The following CATSPERB variants were observed in gnomAD, a reference collection of about 807,000 sequenced individuals.
CATSPERB encodes the protein catsper channel auxiliary subunit beta.
Under a neutral mutation model 128.3 loss-of-function variants are expected in CATSPERB, and 93 were observed. That is an observed-to-expected ratio of 0.72 (90% CI 0.61 to 0.86). The LOEUF is 0.86. Ranked by LOEUF, CATSPERB falls within the 40% of genes least tolerant of loss-of-function variation. The pLI, the probability that CATSPERB is intolerant of heterozygous loss-of-function variation, is 0.00. For missense variants in CATSPERB, 1,153 were observed against 1,329.5 expected (o/e 0.87, Z 2.06); for synonymous variants, 381 against 448.8 (o/e 0.85, Z 1.91).
At chr14:91,597,450 A>C (rs1893527634) in intron 22 of CATSPERB, among the ~76,000 whole-genome samples, 1 of 152,236 alleles carries the variant, frequency 6.6e-6, no homozygotes, top group African/African-American at 2.4e-5. Context: ...TATAAAATTT[A>C]ATCTTGATTA....
chr14:91,581,198 CA>C, intron 26 of CATSPERB, 91 bp from the exon 27 acceptor site: 1 of 1,009,590 alleles, frequency 9.9e-7, no homozygotes. Context: ...AATCGGAGAG[CA>C]AAACGCTGCC....
rs116852107 is a variant in CATSPERB at position 91,618,942 on chromosome 14, G to A, written c.2261-1206C>T. Among the ~76,000 whole-genome samples the A allele has an allele frequency of 9.8e-4, 149 of 152,276 alleles. 4 individuals are homozygous for A. In the East Asian group the frequency reaches 0.026, roughly 27 times the overall value. Reference sequence around the variant, plus strand: ...AAGTGCCCTGGTGATGCTAACACAGGTTCAGGGACCACACCTTCAGTAGAT... The same window carrying A: ...AAGTGCCCTGGTGATGCTAACACAGATTCAGGGACCACACCTTCAGTAGAT... On this transcript the variant is annotated intron_variant, in intron 19 of 26. Transcript: ENST00000256343.
chr14:91,669,759 T>C lies in CATSPERB; in HGVS notation c.1287+55A>G. 2.0e-6 allele frequency: 3 copies of C among 1,522,722 alleles called. No homozygotes were observed. In the South Asian group the frequency reaches 3.8e-5, roughly 19 times the overall value. 94.3% of individuals were successfully genotyped at this position (1,522,722 alleles called of 1,614,324 possible). ...GTTCTTAATGTACAGCCATGCAGCA[T>C]ACAGTAGGTGGATGATTTAACTCTA... On this transcript the variant is annotated intron_variant, in intron 14 of 26. Transcript: ENST00000256343.
At chr14:91,603,460 G>T in intron 22 of CATSPERB, 1 of 1,398,686 alleles carries the variant, frequency 7.1e-7, no homozygotes, top group Non-Finnish European at 1.0e-6. Context: ...AGATGAGTGG[G>T]CAAATTCTGC....
chr14:91,724,042 C>T (rs993952993), intron 3 of CATSPERB, among the ~76,000 whole-genome samples: 2 of 152,138 alleles, frequency 1.3e-5, no homozygotes, highest in Admixed American at 1.3e-4. Flanking sequence ...ATTTTCCTCA[C>T]AGAAGATTAA....
intron 22 of CATSPERB, among the ~76,000 whole-genome samples, chr14:91,595,803 A>G (rs953425600): frequency 6.6e-6 from 1 of 152,268 alleles, no homozygotes; most frequent in African/African-American, 2.4e-5. Context: ...TACTGCACTT[A>G]TGCAAATAAC....
chr14:91,696,991 A>G (rs1470305450), intron 7 of CATSPERB, among the ~76,000 whole-genome samples: 1 of 152,156 alleles, frequency 6.6e-6, no homozygotes, highest in African/African-American at 2.4e-5. Flanking sequence ...AGAGGGGAAG[A>G]GTATTTGAGG....
chr14:91,716,712 TAC>T (rs34934524), intron 5 of CATSPERB, among the ~76,000 whole-genome samples: 15,133 of 137,220 alleles, frequency 0.11, 953 homozygotes, highest in African/African-American at 0.21. Context: ...TTTACAAGCA[TAC>T]ACACACACAC....
intron 24 of CATSPERB, 151 bp from the exon 25 acceptor site, chr14:91,588,229 A>C (rs1322099485): frequency 1.6e-6 from 1 of 609,056 alleles, no homozygotes; most frequent in Non-Finnish European, 2.9e-6. Context: ...CATGCACATT[A>C]AGGTACAATG....
At position 91,693,434 on chromosome 14, in the gene CATSPERB, T is replaced by A; in HGVS notation, c.662A>T (p.Asp221Val). 6.2e-7 allele frequency: 1 copy of A among 1,614,124 alleles called. No individual in the cohort carries two copies. The highest frequency in any genetic ancestry group is 8.5e-7 in the Non-Finnish European group (1 of 1,179,986). ...ITFGGFWHDY[D>V]TTWFNMTQTI... ...CTGTGTCATGTTAAACCATGTGGTA[T>A]CATAATCATGCCAGAATCCACCAAA... Residue 221 changes from aspartate to valine, a missense_variant, in exon 8 of 27, where the codon GAT (aspartate) becomes GTT (valine). Transcript: ENST00000256343.
chr14:91,702,675 AACACAC>A (rs71461951), intron 7 of CATSPERB, among the ~76,000 whole-genome samples: 21 of 145,572 alleles, frequency 1.4e-4, no homozygotes, highest in South Asian at 1.3e-3. Context: ...CAAAAAAGAA[AACACAC>A]ACACACACAC....
intron 11 of CATSPERB, 141 bp from the exon 12 acceptor site, chr14:91,674,363 T>G: frequency 1.7e-6 from 1 of 574,362 alleles, no homozygotes; most frequent in African/African-American, 2.0e-5. Flanking sequence ...ATAATAATAA[T>G]AATAAAAGTT....
At chr14:91,624,382 G>T (rs1479405713) in intron 18 of CATSPERB, among the ~76,000 whole-genome samples, 2 of 152,268 alleles carry the variant, frequency 1.3e-5, no homozygotes, top group African/African-American at 4.8e-5. Context: ...TACTCGGGAG[G>T]CTGAGGCAGG....
At position 91,708,187 on chromosome 14, in the gene CATSPERB, T is replaced by C; in HGVS notation, c.420A>G (p.Gly140=). The C allele has an allele frequency of 6.2e-7, 1 of 1,612,108 alleles. No individual in the cohort carries two copies. Among genetic ancestry groups the C allele is most frequent in the Non-Finnish European group, 8.5e-7 (1 of 1,178,868 alleles). ...EWLVRITLHH[G]LNIYATEGTL... ...TTCCTTCAGTAGCATAAATATTTAG[T>C]CCATGATGTAAAGTGATTCTTACTA... Residue 140 remains glycine (G), a synonymous_variant, in exon 6 of 27, where the codon GGA becomes GGG. Coordinates refer to ENST00000256343, the MANE Select transcript of CATSPERB (RefSeq NM_024764.4).
At chr14:91,625,057 A>G in intron 17 of CATSPERB, 50 bp from the exon 18 acceptor site, 1 of 1,118,344 alleles carries the variant, frequency 8.9e-7, no homozygotes, top group Non-Finnish European at 1.2e-6. Flanking sequence ...AGTGGATTAA[A>G]TGAACCAATT....
intron 11 of CATSPERB, among the ~76,000 whole-genome samples, chr14:91,680,221 TTTTG>T (rs777076856): frequency 5.9e-5 from 9 of 152,230 alleles, no homozygotes; most frequent in Non-Finnish European, 1.2e-4. Flanking sequence ...CTTATGACCA[TTTTG>T]TTTGAAATGT....
intron 22 of CATSPERB, chr14:91,592,671 T>C (rs1265348263): frequency 6.6e-6 from 1 of 152,182 alleles, no homozygotes; most frequent in African/African-American, 2.4e-5. Flanking sequence ...ACCACCACAC[T>C]TGGCTGATTG....
intron 10 of CATSPERB, among the ~76,000 whole-genome samples, chr14:91,685,130 T>G (rs985995063): frequency 6.6e-6 from 1 of 152,122 alleles, no homozygotes. Context: ...TCTCACTATA[T>G]TGCCCAGGCT....
At chr14:91,688,770 C>T (rs2139843084) in intron 10 of CATSPERB, among the ~76,000 whole-genome samples, 1 of 152,292 alleles carries the variant, frequency 6.6e-6, no homozygotes, top group Non-Finnish European at 1.5e-5. Context: ...TTTTATGCTG[C>T]ACTTGAAGCT....
Sources: gnomAD v4.1 joint callset for allele counts (sites outside exome capture counted in the v4.1 genomes callset) on GRCh38, gnomAD v4.1.1 for gene constraint, MANE v1.5 for transcripts, NCBI Gene and HGNC (gene_info 2026-07-23, HGNC 2026-07-21) for gene names.